SCN2A: variants seen among roughly 807,000 people sequenced by gnomAD.
SCN2A encodes sodium channel protein type 2 subunit alpha.
In SCN2A, 20 loss-of-function variants were observed where a neutral mutation model predicts 188.7. That is an observed-to-expected ratio of 0.11 (90% CI 0.07 to 0.15). The LOEUF (loss-of-function observed/expected upper bound fraction) is 0.15. SCN2A is among the 10% of genes least tolerant of loss of function. The pLI is 1.00. For synonymous variants in SCN2A, 804 were observed against 833.1 expected (o/e 0.97, Z 0.60); for missense variants, 1,278 against 2,445.0 (o/e 0.52, Z 10.07).
At chr2:165,249,531 C>T (rs974315186) in intron 1 of SCN2A, among the ~76,000 whole-genome samples, 18 of 152,132 alleles carry the variant, frequency 1.2e-4, no homozygotes, top group African/African-American at 3.6e-4. Flanking sequence ...GTTAGAAGCA[C>T]GCCTTAGCTT....
chr2:165,282,893 A>T (rs569866768), intron 1 of SCN2A, among the ~76,000 whole-genome samples: 60 of 152,354 alleles, frequency 3.9e-4, no homozygotes, highest in African/African-American at 1.3e-3. Flanking sequence ...ACTAGAGGTT[A>T]TGACATAGTG....
At chr2:165,375,053 A>G (rs1234771249) in intron 22 of SCN2A, 87 bp downstream of exon 22, 9 of 1,130,570 alleles carry the variant, frequency 8.0e-6, no homozygotes, top group Non-Finnish European at 1.0e-5. Flanking sequence ...TCCACCTGTT[A>G]GAATGGCTAT....
At chr2:165,296,921 A>G (rs934062658) in intron 2 of SCN2A, 96 bp from the exon 3 acceptor site, 8 of 710,014 alleles carry the variant, frequency 1.1e-5, no homozygotes, top group African/African-American at 3.6e-5. Flanking sequence ...ACTATTTTAC[A>G]GGGCAATATT....
chr2:165,376,527 T>C (rs1434198736), intron 22 of SCN2A, among the ~76,000 whole-genome samples: 2 of 152,056 alleles, frequency 1.3e-5, no homozygotes, highest in Non-Finnish European at 2.9e-5. Context: ...AACTATCTTT[T>C]CTGCCCCACG....
At chr2:165,294,246 C>A in intron 1 of SCN2A, 1 of 386,054 alleles carries the variant, frequency 2.6e-6, no homozygotes, top group Non-Finnish European at 3.5e-6. Flanking sequence ...TTTGAAGCTG[C>A]TGGCTGCATG....
rs746393224 is a variant in SCN2A at position 165,313,661 on chromosome 2, A to G, written c.1076A>G (p.Asn359Ser). The G allele has an allele frequency of 6.2e-7, 1 of 1,613,370 alleles. No homozygotes were observed. The highest frequency in any genetic ancestry group is 8.5e-7 in the Non-Finnish European group (1 of 1,179,612). The part of the protein sequence containing the change: ...EGYICVKAGR[N>S]PNYGYTSFDT... ...TACATCTGTGTGAAGGCTGGTAGAA[A>G]CCCCAACTATGGCTACACGAGCTTT... The change falls in exon 9 of 27, where the codon AAC becomes AGC. Residue 359 changes from asparagine to serine, a missense_variant. Asn to Ser is a conservative substitution (Grantham distance 46). Around this residue, in one of 17 missense-constraint regions of SCN2A, gnomAD observed 42 missense variants for 137.3 expected, o/e 0.31. Transcript: ENST00000375437.
intron 1 of SCN2A, chr2:165,294,056 A>G: frequency 3.5e-6 from 3 of 860,494 alleles, no homozygotes; most frequent in Non-Finnish European, 4.2e-6. Flanking sequence ...TTTTTTTTAA[A>G]GCATGATGGA....
intron 1 of SCN2A, among the ~76,000 whole-genome samples, chr2:165,244,880 A>C (rs1286794663): frequency 6.6e-6 from 1 of 152,216 alleles, no homozygotes; most frequent in Non-Finnish European, 1.5e-5. Flanking sequence ...ACTCAGCTAC[A>C]TCTTGTGTTG....
At chr2:165,378,325 AG>A (rs1701419035) in intron 23 of SCN2A, among the ~76,000 whole-genome samples, 1 of 140,754 alleles carries the variant, frequency 7.1e-6, no homozygotes, top group African/African-American at 2.5e-5. Flanking sequence ...AGAATTCCTG[AG>A]GTTTTTTTTT....
In SCN2A at chr2:165,392,174, A is replaced by AT. The variant is rs1288293084; in HGVS notation, c.*2356dup. On this transcript the variant is annotated 3_prime_UTR_variant, in exon 27 of 27. Coordinates refer to ENST00000375437, the MANE Select transcript of SCN2A (RefSeq NM_001040142.2). ...ATTAATTACTATAATTCATCTTTCA[A>AT]TTTTTTCATGGAATGGAAGTTAATT... 3 of 152,504 alleles carry AT rather than the reference A, an allele frequency of 2.0e-5. No individual in the cohort carries two copies. The highest frequency in any genetic ancestry group is 2.9e-5 in the Non-Finnish European group (2 of 67,982). 9.4% of individuals were successfully genotyped at this position (152,504 alleles called of 1,614,324 possible). A position where few individuals can be genotyped will look rare whatever the true frequency, so the allele number is the denominator to read the frequency against.
In SCN2A at chr2:165,358,571, T is replaced by A. The variant is rs185018673; in HGVS notation, c.3399+3900T>A. Among the ~76,000 whole-genome samples the A allele has an allele frequency of 7.8e-4, 119 of 152,172 alleles. 1 individual carries two copies. Among genetic ancestry groups the A allele is most frequent in the Middle Eastern group, 6.8e-3 (2 of 294 alleles). On this transcript the variant is annotated intron_variant, in intron 17 of 26. Coordinates refer to ENST00000375437, the MANE Select transcript of SCN2A (RefSeq NM_001040142.2). ...ACTCTTAGACTGAAAGAAAAGGAAATCATGTCTTTTGTATACCAAATAATA... is the reference window on the plus strand; with the variant it reads ...ACTCTTAGACTGAAAGAAAAGGAAAACATGTCTTTTGTATACCAAATAATA...
chr2:165,323,467 T>A lies in SCN2A; in HGVS notation c.1983T>A (p.Ser661=). The stretch of plus-strand genomic sequence containing the variant: ...TGGTCTCCCTGGTCGGGGGCCCTTC[T>A]ACCCTCACATCTGCTGGGCAGCTCC... ...NGVVSLVGGP[S]TLTSAGQLLP... is the part of the protein sequence containing the mutation. The change falls in exon 12 of 27, where the codon TCT becomes TCA. Residue 661 remains serine (S), a synonymous_variant. Transcript: ENST00000375437. 1 of 1,613,810 alleles carries A rather than the reference T, an allele frequency of 6.2e-7. No homozygotes were observed. The highest frequency in any genetic ancestry group is 8.5e-7 in the Non-Finnish European group (1 of 1,179,874).
chr2:165,310,196 C>A, intron 6 of SCN2A, 127 bp from the exon 7 acceptor site: 1 of 1,038,864 alleles, frequency 9.6e-7, no homozygotes, highest in Non-Finnish European at 1.5e-6. Flanking sequence ...CAATCACAAA[C>A]ATTAAACTAA....
intron 11 of SCN2A, among the ~76,000 whole-genome samples, chr2:165,322,019 T>C (rs1290843879): frequency 1.3e-5 from 2 of 152,194 alleles, no homozygotes; most frequent in East Asian, 3.8e-4. Context: ...TATTAGATGA[T>C]ATAAATTATG....
At chr2:165,255,881 C>T (rs970138045) in intron 1 of SCN2A, among the ~76,000 whole-genome samples, 2 of 150,424 alleles carry the variant, frequency 1.3e-5, no homozygotes, top group African/African-American at 2.4e-5. Context: ...GATTTTTCTT[C>T]CCCGCCCACC....
chr2:165,383,196 A>C (rs1353257328), intron 25 of SCN2A, among the ~76,000 whole-genome samples: 1 of 152,148 alleles, frequency 6.6e-6, no homozygotes, highest in Non-Finnish European at 1.5e-5. Context: ...AAATGGAAGT[A>C]TCCCAGAAAA....
At position 165,284,800 on chromosome 2, in the gene SCN2A, A is replaced by G. The variant is rs564046423; in HGVS notation, c.-51-10973A>G. 7.2e-5 allele frequency among the ~76,000 whole-genome samples: 11 copies of G among 152,336 alleles called. No individual in the cohort carries two copies. In the Middle Eastern group the frequency reaches 0.01, roughly 141 times the overall value. On this transcript the variant is annotated intron_variant, in intron 1 of 26. Transcript: ENST00000375437. ...GAATTCTGTGATTCCAGTATAATCCATCCATCAAAACCAAACTACTATGTA... is the reference window on the plus strand; with the variant it reads ...GAATTCTGTGATTCCAGTATAATCCGTCCATCAAAACCAAACTACTATGTA...
intron 1 of SCN2A, among the ~76,000 whole-genome samples, chr2:165,250,139 G>A (rs1694020762): frequency 6.6e-6 from 1 of 151,926 alleles, no homozygotes; most frequent in Non-Finnish European, 1.5e-5. Context: ...TACTATATAA[G>A]GACAGATATT....
At chr2:165,373,035 A>G in intron 20 of SCN2A, 190 bp from the exon 21 acceptor site, 1 of 571,040 alleles carries the variant, frequency 1.8e-6, no homozygotes, top group Non-Finnish European at 3.1e-6. Flanking sequence ...ACCTGTAGAA[A>G]TGCAAATTCT....
Sources: allele counts gnomAD v4.1 joint callset (sites outside exome capture counted in the v4.1 genomes callset), GRCh38; gene constraint gnomAD v4.1.1; regional missense constraint gnomAD v4.1.1; transcripts MANE v1.5; gene names NCBI Gene and HGNC (gene_info 2026-07-23, HGNC 2026-07-21).